The following ABLIM2 variants were observed in gnomAD, a reference collection of about 807,000 sequenced individuals.
The protein encoded by ABLIM2 is actin-binding LIM protein 2.
ABLIM2 carries 53 observed loss-of-function variants against 97.7 expected under a neutral mutation model. The ratio of observed to expected loss-of-function variants is 0.54; its 90% CI spans 0.44 to 0.68. The LOEUF (loss-of-function observed/expected upper bound fraction) is 0.68, where lower values mean the gene tolerates loss of function less well. Among genes scored for constraint, ABLIM2 ranks in the 30% least tolerant of loss-of-function variants. ABLIM2 has a pLI of 0.00. For missense variants in ABLIM2, 835 were observed against 867.2 expected (o/e 0.96, Z 0.47); for synonymous variants, 361 against 345.8 (o/e 1.04, Z -0.49).
In ABLIM2 at chr4:7,999,343, C is replaced by A. The variant is rs1755530190; in HGVS notation, c.1619-6416G>T. On this transcript the variant is annotated intron_variant, in intron 16 of 20. Transcript: ENST00000447017. This position sits in a 1 kb window ranked among gnomAD's most constrained non-coding sequence, Gnocchi z 4.4. ...AAAATGCTGAGATTACAGGCGTGAG[C>A]CACTGCGCCCGGCCAAGAATCACTG... Among the ~76,000 whole-genome samples the A allele has an allele frequency of 6.6e-6, 1 of 152,214 alleles. No homozygotes were observed. Among genetic ancestry groups the A allele is most frequent in the Non-Finnish European group, 1.5e-5 (1 of 68,040 alleles).
chr4:8,143,035 C>A (rs2152948276), intron 1 of ABLIM2, among the ~76,000 whole-genome samples: 1 of 152,262 alleles, frequency 6.6e-6, no homozygotes. Flanking sequence ...TCTGCAAAGG[C>A]CCCAGTCCTC....
intron 20 of ABLIM2, among the ~76,000 whole-genome samples, chr4:7,974,312 A>C (rs1281234759): frequency 2.4e-4 from 27 of 110,858 alleles, no homozygotes; most frequent in Admixed American, 5.4e-4. Flanking sequence ...CCCATCCACC[A>C]ATCCATCCAC....
chr4:8,124,848 C>T lies in ABLIM2; in HGVS notation c.11-18211G>A, dbSNP rs572937663. ...GGAACAGTCAGACTATTTTCCACAC[C>T]GGGTTCTGATTTCTACGCATCCCCA... On this transcript the variant is annotated intron_variant, in intron 1 of 20. Coordinates refer to ENST00000447017, the MANE Select transcript of ABLIM2 (RefSeq NM_001130083.2). This position sits in a 1 kb window ranked among gnomAD's most constrained non-coding sequence, Gnocchi z 6.1. Among the ~76,000 whole-genome samples, 13 of 152,144 alleles carry T rather than the reference C, an allele frequency of 8.5e-5. No individual in the cohort carries two copies. The highest frequency in any genetic ancestry group is 3.9e-4 in the East Asian group (2 of 5,172).
At chr4:8,006,439 G>A (rs1761363138) in intron 16 of ABLIM2, among the ~76,000 whole-genome samples, 1 of 152,230 alleles carries the variant, frequency 6.6e-6, no homozygotes, top group Non-Finnish European at 1.5e-5. Flanking sequence ...CCTGGCAAGG[G>A]AAGAACTGAA....
At chr4:8,134,407 T>TCC (rs1335246415) in intron 1 of ABLIM2, among the ~76,000 whole-genome samples, 10 of 152,012 alleles carry the variant, frequency 6.6e-5, no homozygotes, top group Non-Finnish European at 1.0e-4. Context: ...AACTGGGCCG[T>TCC]CTCCTGCTGC....
At chr4:7,974,606 A>ATCCATCCATCC (rs1560339727) in intron 20 of ABLIM2, among the ~76,000 whole-genome samples, 8 of 1,048 alleles carry the variant, frequency 7.6e-3, no homozygotes, top group African/African-American at 0.018. Flanking sequence ...CCTACCATCC[A>ATCCATCCATCC]ATCCATCCAT....
chr4:8,114,029 G>A (rs1841590876), intron 1 of ABLIM2, among the ~76,000 whole-genome samples: 2 of 152,236 alleles, frequency 1.3e-5, no homozygotes, highest in South Asian at 4.1e-4. Flanking sequence ...TCTGGGACAG[G>A]AGCAAGCACA....
intron 1 of ABLIM2, among the ~76,000 whole-genome samples, chr4:8,117,005 C>G (rs1474919765): frequency 1.3e-5 from 2 of 152,236 alleles, no homozygotes; most frequent in African/African-American, 4.8e-5. Context: ...GACGCCTGGT[C>G]TCCTCACCAT....
intron 6 of ABLIM2, among the ~76,000 whole-genome samples, chr4:8,077,426 G>A (rs1816923360): frequency 6.6e-6 from 1 of 152,244 alleles, no homozygotes; most frequent in Non-Finnish European, 1.5e-5. Flanking sequence ...GCATCACAAG[G>A]CAGGCTTCCT....
rs1172115525 is a variant in ABLIM2 at position 8,127,085 on chromosome 4, T to C, written c.11-20448A>G. On this transcript the variant is annotated intron_variant, in intron 1 of 20. Transcript: ENST00000447017. This position sits in a 1 kb window ranked among gnomAD's most constrained non-coding sequence, Gnocchi z 7.3. ...TGCCTCCAGAAAAAAAAAAAAAAAA[T>C]GCCTGCAGACATTGCCACATGTCCC... Among the ~76,000 whole-genome samples the C allele has an allele frequency of 3.6e-5, 5 of 139,298 alleles. No individual in the cohort carries two copies. The highest frequency in any genetic ancestry group is 5.4e-5 in the African/African-American group (2 of 36,986). 91.4% of individuals were successfully genotyped at this position (139,298 alleles called of 152,430 possible). A position where few individuals can be genotyped will look rare whatever the true frequency, so the allele number is the denominator to read the frequency against.
At chr4:8,065,597 C>T (rs995536359) in intron 6 of ABLIM2, among the ~76,000 whole-genome samples, 1 of 152,080 alleles carries the variant, frequency 6.6e-6, no homozygotes, top group African/African-American at 2.4e-5. Flanking sequence ...CACTCTTTGG[C>T]ATTTAAAGAA....
At chr4:7,997,399 C>T (rs987755021) in intron 16 of ABLIM2, among the ~76,000 whole-genome samples, 5 of 152,132 alleles carry the variant, frequency 3.3e-5, no homozygotes, top group Admixed American at 2.0e-4. Flanking sequence ...GTTTTTCAAA[C>T]CCATTTTCTT....
intron 6 of ABLIM2, among the ~76,000 whole-genome samples, chr4:8,073,951 G>C (rs1814109990): frequency 6.6e-6 from 1 of 151,974 alleles, no homozygotes; most frequent in Non-Finnish European, 1.5e-5. Flanking sequence ...GCCAGGCGTG[G>C]TGGCTCACGC....
chr4:8,076,742 G>T (rs115531435), intron 6 of ABLIM2, among the ~76,000 whole-genome samples: 1 of 147,328 alleles, frequency 6.8e-6, no homozygotes, highest in Non-Finnish European at 1.5e-5. Flanking sequence ...GGGTTGGGGG[G>T]GGTCTGTGAA....
intron 1 of ABLIM2, among the ~76,000 whole-genome samples, chr4:8,157,356 CT>C (rs1715696649): frequency 6.6e-6 from 1 of 152,238 alleles, no homozygotes; most frequent in Non-Finnish European, 1.5e-5. Flanking sequence ...ATAAATGTGT[CT>C]GGAGGTTCTG....
At position 8,095,900 on chromosome 4, in the gene ABLIM2, C is replaced by T. The variant is rs1038947663; in HGVS notation, c.338+1199G>A. On this transcript the variant is annotated intron_variant, in intron 3 of 20. Coordinates refer to ENST00000447017, the MANE Select transcript of ABLIM2 (RefSeq NM_001130083.2). This position sits in a 1 kb window ranked among gnomAD's most constrained non-coding sequence, Gnocchi z 4.7. ...GCAGCAACCTGGTCATTCTCTGCCC[C>T]ACTGTGTGAAATTCCTCTGCGACTA... 4.1e-4 allele frequency among the ~76,000 whole-genome samples: 62 copies of T among 152,304 alleles called. No homozygotes were observed. Among genetic ancestry groups the T allele is most frequent in the African/African-American group, 1.4e-3 (59 of 41,568 alleles).
chr4:8,079,867 C>G (rs1818667629), intron 5 of ABLIM2, among the ~76,000 whole-genome samples: 1 of 152,182 alleles, frequency 6.6e-6, no homozygotes. Flanking sequence ...GCATTGAGAA[C>G]AAGCACAGCA....
At chr4:8,145,386 G>A (rs1241804077) in intron 1 of ABLIM2, among the ~76,000 whole-genome samples, 1 of 151,968 alleles carries the variant, frequency 6.6e-6, no homozygotes, top group African/African-American at 2.4e-5. Flanking sequence ...GTTTCTCCAT[G>A]TTGGCCAGGC....
intron 18 of ABLIM2, 40 bp from the exon 19 acceptor site, chr4:7,983,594 A>G: frequency 1.9e-6 from 3 of 1,610,106 alleles, no homozygotes; most frequent in Non-Finnish European, 2.5e-6. Context: ...AATGGTTTAG[A>G]AAGTGCAAGA....
Sources: allele counts gnomAD v4.1 joint callset (sites outside exome capture counted in the v4.1 genomes callset), GRCh38; gene constraint gnomAD v4.1.1; non-coding constraint Gnocchi (gnomAD v3.1); transcripts MANE v1.5; gene names NCBI Gene and HGNC (gene_info 2026-07-23, HGNC 2026-07-21).